The following TENM2 variants were observed in gnomAD, a reference collection of about 807,000 sequenced individuals.
TENM2 encodes the protein teneurin-2.
A neutral mutation model predicts 245.2 loss-of-function variants in TENM2; 52 were observed. The observed-to-expected ratio is 0.21, with a 90% confidence interval of 0.17 to 0.27. The LOEUF (loss-of-function observed/expected upper bound fraction) is 0.27. Among genes scored for constraint, TENM2 ranks in the 10% least tolerant of loss-of-function variants. The pLI is 1.00. For synonymous variants in TENM2, 1,363 were observed against 1,438.9 expected, an observed-to-expected ratio of 0.95 and a Z score of 1.19; for missense variants, 3,046 against 3,666.8, an observed-to-expected ratio of 0.83 and a Z score of 4.37.
the TENM2 span, among the ~76,000 whole-genome samples, chr5:167,102,089 G>A: frequency 6.6e-6 from 1 of 150,412 alleles, no homozygotes; most frequent in Non-Finnish European, 1.5e-5. Flanking sequence ...AGCCAGGTGT[G>A]GTGGCACGTG....
the TENM2 span, among the ~76,000 whole-genome samples, chr5:167,190,632 A>G: frequency 1.6e-4 from 24 of 152,198 alleles, no homozygotes; most frequent in East Asian, 4.5e-3. Context: ...GAACCATGGT[A>G]TCAGGAGAAG....
At chr5:167,139,526 A>C in the TENM2 span, among the ~76,000 whole-genome samples, 1 of 152,242 alleles carries the variant, frequency 6.6e-6, no homozygotes, top group Non-Finnish European at 1.5e-5. Flanking sequence ...TCTGGACATA[A>C]GACCTTCCTT....
intron 7 of TENM2, among the ~76,000 whole-genome samples, chr5:168,084,275 G>A (rs1792256829): frequency 1.3e-5 from 2 of 152,328 alleles, no homozygotes; most frequent in East Asian, 1.9e-4. Flanking sequence ...TATATATCCA[G>A]TAACAGGATT....
At chr5:168,045,732 T>C (rs1431373479) in intron 5 of TENM2, among the ~76,000 whole-genome samples, 1 of 152,248 alleles carries the variant, frequency 6.6e-6, no homozygotes, top group East Asian at 1.9e-4. Flanking sequence ...TAAAAAATTA[T>C]TTTAAAATAG....
intron 2 of TENM2, among the ~76,000 whole-genome samples, chr5:167,772,511 A>C (rs1763466206): frequency 6.6e-6 from 1 of 152,184 alleles, no homozygotes; most frequent in Non-Finnish European, 1.5e-5. Context: ...CCCTGGGGAA[A>C]GGGTACAGGC....
intron 3 of TENM2, among the ~76,000 whole-genome samples, chr5:167,889,358 C>G (rs1392125561): frequency 6.6e-6 from 1 of 152,118 alleles, no homozygotes; most frequent in Non-Finnish European, 1.5e-5. Context: ...GCCAGCTCCC[C>G]GAATAATTCC....
At chr5:167,675,067 AAAG>A (rs1756224155) in intron 2 of TENM2, among the ~76,000 whole-genome samples, 1 of 152,154 alleles carries the variant, frequency 6.6e-6, no homozygotes. Context: ...GGTGAGAAAA[AAAG>A]AAACACATCA....
At chr5:166,998,673 A>G in the TENM2 span, among the ~76,000 whole-genome samples, 1 of 152,162 alleles carries the variant, frequency 6.6e-6, no homozygotes, top group African/African-American at 2.4e-5. Context: ...ACCTTAAGAG[A>G]TATTCGTCAG....
At chr5:167,706,144 A>G (rs1164499068) in intron 2 of TENM2, among the ~76,000 whole-genome samples, 1 of 146,138 alleles carries the variant, frequency 6.8e-6, no homozygotes, top group African/African-American at 2.5e-5. Flanking sequence ...ACCAGTATAT[A>G]GATGGTGTGT....
rs776793398 is a variant in TENM2, at chr5:167,375,294, C to T, written c.323C>T (p.Ser108Phe). ...ATGGGGATCCTTCACCAGGGCTACT[C>T]CCTTAGCACAGGGTCTGACGCCGAC... The change falls in exon 2 of 29, where the codon TCC (serine) becomes TTC (phenylalanine). Residue 108 changes from serine (S) to phenylalanine (F), a missense_variant. This residue lies in a region of TENM2 where 342 missense variants were observed against 335.0 expected (regional missense o/e 1.02). Transcript: ENST00000518659. 2.6e-5 allele frequency: 41 copies of T among 1,551,630 alleles called. 1 individual carries two copies. The South Asian group carries it at 3.3e-4, about 13-fold the overall frequency.
At chr5:167,182,736 A>C in the TENM2 span, among the ~76,000 whole-genome samples, 1 of 152,070 alleles carries the variant, frequency 6.6e-6, no homozygotes, top group Admixed American at 6.6e-5. Flanking sequence ...ATGTTTTTAC[A>C]TTTCAGACGT....
chr5:167,801,110 ATATATATATATATAT>A (rs1366236989), intron 2 of TENM2, among the ~76,000 whole-genome samples: 3,596 of 62,580 alleles, frequency 0.057, 204 homozygotes, highest in Middle Eastern at 0.089. Flanking sequence ...AAAAAAAAAA[ATATATATATATATAT>A]ATATATATAT....
Position 167,908,119 on chromosome 5 carries a change from A to C in TENM2, c.712+31924A>C, listed in dbSNP as rs534925732. 1.4e-3 allele frequency among the ~76,000 whole-genome samples: 209 copies of C among 152,134 alleles called. 1 individual carries two copies. Among genetic ancestry groups the C allele is most frequent in the Middle Eastern group, 3.4e-3 (1 of 294 alleles). ...AGCATTCCTTCTGATTGCAGATTTA[A>C]TACTTCTGGCCAATTATTGGTTCTC... is the stretch of plus-strand genomic sequence containing the variant. On this transcript the variant is annotated intron_variant, in intron 3 of 28. Transcript: ENST00000518659.
exon 4 of TENM2, chr5:167,952,639 C>G (rs778829680): frequency 1.2e-6 from 2 of 1,613,294 alleles, no homozygotes; most frequent in African/African-American, 1.3e-5. Flanking sequence ...CTCCCACCCC[C>G]TCACAACCAC....
intron 2 of TENM2, among the ~76,000 whole-genome samples, chr5:167,828,297 C>G (rs886881016): frequency 6.6e-6 from 1 of 152,192 alleles, no homozygotes; most frequent in African/African-American, 2.4e-5. Context: ...CAGATCTCAG[C>G]TCCGATGCTG....
At chr5:167,360,995 A>C (rs1251130364) in intron 1 of TENM2, among the ~76,000 whole-genome samples, 1 of 152,150 alleles carries the variant, frequency 6.6e-6, no homozygotes, top group Non-Finnish European at 1.5e-5. Context: ...GGTTATGTGT[A>C]CTTTTGCTCC....
At chr5:167,577,430 A>G (rs1774781828) in intron 2 of TENM2, among the ~76,000 whole-genome samples, 1 of 152,146 alleles carries the variant, frequency 6.6e-6, no homozygotes, top group Non-Finnish European at 1.5e-5. Context: ...AATGCTCCAT[A>G]GGATGTTTTG....
chr5:167,289,958 A>G (rs1173983079), intron 1 of TENM2, among the ~76,000 whole-genome samples: 1 of 152,220 alleles, frequency 6.6e-6, no homozygotes, highest in Non-Finnish European at 1.5e-5. Context: ...AAAGTTCAAG[A>G]GTTTCTGTGG....
chr5:168,118,607 C>G (rs1795258346), intron 10 of TENM2, 121 bp downstream of exon 12: 2 of 696,846 alleles, frequency 2.9e-6, no homozygotes, highest in Middle Eastern at 4.5e-4. Flanking sequence ...ACATTTTGCA[C>G]AAAACAACTT....
Sources: allele counts gnomAD v4.1 joint callset (sites outside exome capture counted in the v4.1 genomes callset), GRCh38; gene constraint gnomAD v4.1.1; regional missense constraint gnomAD v4.1.1; transcripts MANE v1.5; gene names NCBI Gene and HGNC (gene_info 2026-07-23, HGNC 2026-07-21).